FMN1: variants seen among roughly 807,000 people sequenced by gnomAD.
FMN1 encodes formin-1.
Under a neutral mutation model 132.4 loss-of-function variants are expected in FMN1, and 110 were observed. That is an observed-to-expected ratio of 0.83 (90% CI 0.71 to 0.97). FMN1 has a LOEUF of 0.97. Ranked by LOEUF, FMN1 falls within the 50% of genes least tolerant of loss-of-function variation. The probability of loss-of-function intolerance (pLI) is 0.00; values close to 1 mark genes in which losing one functional copy is unlikely to be tolerated. For missense variants in FMN1, 1,792 were observed against 1,705.3 expected (o/e 1.05, Z -0.90); for synonymous variants, 722 against 651.7 (o/e 1.11, Z -1.64).
At chr15:33,109,225 G>T (rs533667928) in intron 4 of FMN1, among the ~76,000 whole-genome samples, 3 of 152,140 alleles carry the variant, frequency 2.0e-5, no homozygotes, top group South Asian at 4.1e-4. Context: ...ATGCAAGTAA[G>T]GTTTTTGAGG....
chr15:33,067,686 G>T, intron 5 of FMN1: 1 of 1,613,924 alleles, frequency 6.2e-7, no homozygotes. Context: ...TGAGATGTGG[G>T]ATTCACGTCT....
At position 33,153,229 on chromosome 15, in the gene FMN1, G is replaced by C; in HGVS notation, c.1686C>G (p.Phe562Leu). 1 of 1,536,086 alleles carries C rather than the reference G, an allele frequency of 6.5e-7. No individual in the cohort carries two copies. The highest frequency in any genetic ancestry group is 1.2e-5 in the South Asian group (1 of 84,054). Residue 562 changes from phenylalanine (F) to leucine (L), a missense_variant, in exon 4 of 21, where the codon TTC becomes TTG. By Grantham distance (22) the Phe-to-Leu change is conservative. Coordinates refer to ENST00000616417, the MANE Select transcript of FMN1 (RefSeq NM_001277313.2). ...NDSPCRKSRV[F>L]SGCVSADTLE... Reference sequence around the variant, plus strand: ...AGGTGTCAGCAGAGACGCACCCAGAGAAGACACGGCTCTTTCTACAAGGAG... The same window carrying C: ...AGGTGTCAGCAGAGACGCACCCAGACAAGACACGGCTCTTTCTACAAGGAG...
rs1343969304 is a variant in FMN1 at position 32,766,882 on chromosome 15, G to A, written c.*7428C>T. 1 of 152,260 alleles carries A rather than the reference G, an allele frequency of 6.6e-6. No homozygotes were observed. The highest frequency in any genetic ancestry group is 1.5e-5 in the Non-Finnish European group (1 of 68,062). The allele number at this position is 152,260 out of a possible 1,614,324, so 9.4% of individuals were successfully genotyped here. On this transcript the variant is annotated 3_prime_UTR_variant, in exon 21 of 21. Coordinates refer to ENST00000616417, the MANE Select transcript of FMN1 (RefSeq NM_001277313.2). ...GGACGAGGAAACAGAAGTATTGAAA[G>A]AAGAAAGTGAAACAAAGCTAGAAGT... is the stretch of plus-strand genomic sequence containing the variant.
intron 4 of FMN1, among the ~76,000 whole-genome samples, chr15:33,124,719 G>A (rs776684297): frequency 1.7e-4 from 26 of 152,268 alleles, no homozygotes; most frequent in Non-Finnish European, 1.8e-4. Flanking sequence ...TCTGGAAGGA[G>A]AGGGAGGAAA....
At chr15:32,842,632 C>T (rs957370040) in intron 17 of FMN1, among the ~76,000 whole-genome samples, 5 of 152,138 alleles carry the variant, frequency 3.3e-5, no homozygotes, top group African/African-American at 1.2e-4. Flanking sequence ...AAGCCCTAAA[C>T]TAATAATACG....
At chr15:33,094,439 G>A (rs1184564845) in intron 4 of FMN1, among the ~76,000 whole-genome samples, 1 of 152,172 alleles carries the variant, frequency 6.6e-6, no homozygotes, top group Non-Finnish European at 1.5e-5. Context: ...GAGAAGATAA[G>A]GAGAATAACA....
chr15:32,858,190 A>G (rs1267139778), intron 16 of FMN1, among the ~76,000 whole-genome samples: 1 of 152,210 alleles, frequency 6.6e-6, no homozygotes, highest in Non-Finnish European at 1.5e-5. Flanking sequence ...TTACATTGGG[A>G]AATTCCTATC....
At chr15:32,803,843 T>A (rs1421227034) in intron 18 of FMN1, among the ~76,000 whole-genome samples, 2 of 152,086 alleles carry the variant, frequency 1.3e-5, no homozygotes, top group Non-Finnish European at 1.5e-5. Flanking sequence ...GTGAGGCAGG[T>A]GAGTCACTTC....
intron 4 of FMN1, among the ~76,000 whole-genome samples, chr15:33,117,065 T>TA (rs1326303213): frequency 6.6e-6 from 1 of 152,084 alleles, no homozygotes; most frequent in Non-Finnish European, 1.5e-5. Flanking sequence ...GACTGAGAAA[T>TA]ATCCTATTTG....
chr15:32,878,032 AAT>A (rs1346651811), intron 16 of FMN1, among the ~76,000 whole-genome samples: 1 of 152,250 alleles, frequency 6.6e-6, no homozygotes, highest in Non-Finnish European at 1.5e-5. Context: ...ATGAAATATG[AAT>A]ATGTGAAAGT....
intron 4 of FMN1, chr15:33,150,248 A>T: frequency 3.0e-6 from 3 of 985,472 alleles, no homozygotes; most frequent in Non-Finnish European, 2.4e-6. Flanking sequence ...AGCTCCAAGG[A>T]CACTGCTTTG....
At chr15:32,830,424 A>G (rs528830866) in intron 17 of FMN1, among the ~76,000 whole-genome samples, 1 of 152,220 alleles carries the variant, frequency 6.6e-6, no homozygotes, top group African/African-American at 2.4e-5. Context: ...GAAATAGTTT[A>G]ATTTTCCTTT....
intron 6 of FMN1, among the ~76,000 whole-genome samples, chr15:33,049,664 T>C (rs2036875422): frequency 6.6e-6 from 1 of 152,230 alleles, no homozygotes; most frequent in South Asian, 2.1e-4. Flanking sequence ...TCGTGAACTA[T>C]AACAAGTGGA....
intron 17 of FMN1, among the ~76,000 whole-genome samples, chr15:32,855,193 A>G (rs2059102795): frequency 6.6e-6 from 1 of 151,422 alleles, no homozygotes; most frequent in Non-Finnish European, 1.5e-5. Flanking sequence ...GAAAAAAGAA[A>G]GAAAATCTGA....
intron 10 of FMN1, among the ~76,000 whole-genome samples, chr15:32,913,401 C>T (rs2060611128): frequency 1.3e-5 from 2 of 152,128 alleles, no homozygotes; most frequent in South Asian, 2.1e-4. Flanking sequence ...AAACACTCGG[C>T]GAAGTCTAAA....
intron 12 of FMN1, among the ~76,000 whole-genome samples, chr15:32,906,703 C>T (rs1428090050): frequency 2.0e-5 from 3 of 152,068 alleles, no homozygotes; most frequent in Non-Finnish European, 4.4e-5. Flanking sequence ...GTCATTAGCA[C>T]CGTAAGAGGG....
At chr15:32,817,355 C>T (rs1478934312) in intron 17 of FMN1, among the ~76,000 whole-genome samples, 2 of 152,198 alleles carry the variant, frequency 1.3e-5, no homozygotes, top group Non-Finnish European at 2.9e-5. Flanking sequence ...AGTCTAATTT[C>T]CCTAATATTG....
chr15:33,018,322 G>C (rs1442504119), intron 6 of FMN1, among the ~76,000 whole-genome samples: 1 of 151,998 alleles, frequency 6.6e-6, no homozygotes, highest in Non-Finnish European at 1.5e-5. Context: ...CCTTTAGGTA[G>C]CTTCAGGATG....
intron 7 of FMN1, among the ~76,000 whole-genome samples, chr15:32,980,353 T>C (rs2032556090): frequency 6.6e-6 from 1 of 152,112 alleles, no homozygotes; most frequent in African/African-American, 2.4e-5. Context: ...AGCACTTGGC[T>C]TTAGCTCTGC....
Sources: allele counts gnomAD v4.1 joint callset (sites outside exome capture counted in the v4.1 genomes callset), GRCh38; gene constraint gnomAD v4.1.1; transcripts MANE v1.5; gene names NCBI Gene and HGNC (gene_info 2026-07-23, HGNC 2026-07-21).